RORA: variants seen among roughly 807,000 people sequenced by gnomAD.
RORA encodes the protein nuclear receptor ROR-alpha.
RORA carries 7 observed loss-of-function variants against 69.5 expected under a neutral mutation model. The ratio of observed to expected loss-of-function variants is 0.10; its 90% CI spans 0.06 to 0.19. RORA has a LOEUF of 0.19. Among genes scored for constraint, RORA ranks in the 10% least tolerant of loss-of-function variants. The probability of loss-of-function intolerance (pLI) is 1.00; values close to 1 mark genes in which losing one functional copy is unlikely to be tolerated. For missense variants in RORA, 457 were observed against 663.0 expected (o/e 0.69, Z 3.41); for synonymous variants, 261 against 240.8 (o/e 1.08, Z -0.78).
At chr15:60,958,991 A>G (rs537795591) in intron 1 of RORA, among the ~76,000 whole-genome samples, 3 of 152,332 alleles carry the variant, frequency 2.0e-5, no homozygotes, top group South Asian at 2.1e-4. Flanking sequence ...CAAGCCAGAC[A>G]TCGAAACTCT....
intron 2 of RORA, among the ~76,000 whole-genome samples, chr15:60,647,106 T>G (rs145350326): frequency 6.6e-6 from 1 of 152,196 alleles, no homozygotes. Flanking sequence ...CATTCTTGCT[T>G]TTGTTCGAGT....
At chr15:60,769,066 A>G (rs950719325) in intron 1 of RORA, among the ~76,000 whole-genome samples, 9 of 152,210 alleles carry the variant, frequency 5.9e-5, no homozygotes, top group African/African-American at 2.2e-4. Flanking sequence ...GGTGTACGCT[A>G]GCGACCACAT....
rs188865537 is a variant in RORA at position 60,523,202 on chromosome 15, T to C, written c.283-8445A>G. ...ACTGAGTCAGCAAGGAAGTGGTTCA[T>C]GTCATTGTTGGCGAATGAATGAAGT... On this transcript the variant is annotated intron_variant, in intron 3 of 10. Transcript: ENST00000335670. 1.6e-3 allele frequency among the ~76,000 whole-genome samples: 238 copies of C among 152,346 alleles called. 3 individuals are homozygous for C. Among genetic ancestry groups the C allele is most frequent in the Admixed American group, 0.01 (153 of 15,300 alleles).
chr15:60,645,793 T>C (rs896399025), intron 2 of RORA, among the ~76,000 whole-genome samples: 2 of 116,240 alleles, frequency 1.7e-5, no homozygotes, highest in East Asian at 5.8e-4. Flanking sequence ...TTCAGTGAAA[T>C]AGGGTTTTTT....
In RORA at chr15:60,490,647, C is replaced by A. The variant is rs2065026624; in HGVS notation, c.*6808G>T. 1 of 152,092 alleles carries A rather than the reference C, an allele frequency of 6.6e-6. No individual in the cohort carries two copies. Among genetic ancestry groups the A allele is most frequent in the Non-Finnish European group, 1.5e-5 (1 of 67,996 alleles). The allele number at this position is 152,092 out of a possible 1,614,324, so 9.4% of individuals were successfully genotyped here. ...GAAGAAAGCAGTAAACAAGAGATTGCATTTACATGCAGATGTCTAAAATTT... is the reference window on the plus strand; with the variant it reads ...GAAGAAAGCAGTAAACAAGAGATTGAATTTACATGCAGATGTCTAAAATTT... On this transcript the variant is annotated 3_prime_UTR_variant, in exon 11 of 11. Coordinates refer to ENST00000335670, the MANE Select transcript of RORA (RefSeq NM_134261.3). The surrounding 1 kb of genome is among the most constrained non-coding windows in gnomAD (Gnocchi z 4.1).
chr15:60,928,015 T>C (rs1435653304), intron 1 of RORA, among the ~76,000 whole-genome samples: 2 of 152,164 alleles, frequency 1.3e-5, no homozygotes, highest in African/African-American at 2.4e-5. Context: ...CTTTCTCTTG[T>C]TTGGACTACT....
At chr15:60,740,992 A>C (rs1212900122) in intron 1 of RORA, among the ~76,000 whole-genome samples, 1 of 152,222 alleles carries the variant, frequency 6.6e-6, no homozygotes, top group Non-Finnish European at 1.5e-5. Context: ...GTGGTGTTGA[A>C]ACAATTGCAA....
chr15:60,993,562 G>C (rs1894444585), intron 1 of RORA, among the ~76,000 whole-genome samples: 1 of 141,674 alleles, frequency 7.1e-6, no homozygotes, highest in South Asian at 2.3e-4. Context: ...AGAATTGCTT[G>C]AACCCAGGGG....
chr15:60,833,246 C>T (rs1011149447), intron 1 of RORA, among the ~76,000 whole-genome samples: 1 of 151,690 alleles, frequency 6.6e-6, no homozygotes, highest in Non-Finnish European at 1.5e-5. Context: ...GACGGAGTCT[C>T]ACTCTGCTGC....
At chr15:60,864,233 ATGACTGT>A (rs1242350816) in intron 1 of RORA, among the ~76,000 whole-genome samples, 2 of 152,236 alleles carry the variant, frequency 1.3e-5, no homozygotes, top group Non-Finnish European at 2.9e-5. Flanking sequence ...GCTTGTGAAA[ATGACTGT>A]TGAGACAAAA....
chr15:60,516,059 A>ATATATATT (rs1567051675), intron 3 of RORA, among the ~76,000 whole-genome samples: 1 of 22,958 alleles, frequency 4.4e-5, no homozygotes, highest in African/African-American at 1.6e-4. Flanking sequence ...ATATATATTT[A>ATATATATT]TATATATTTA....
chr15:61,058,884 T>C (rs2078132477), intron 1 of RORA, among the ~76,000 whole-genome samples: 1 of 152,204 alleles, frequency 6.6e-6, no homozygotes, highest in Non-Finnish European at 1.5e-5. Context: ...GGTCAGTAAA[T>C]ACCTGTTGTA....
chr15:61,037,987 T>C (rs1365742780), intron 1 of RORA, among the ~76,000 whole-genome samples: 2 of 152,148 alleles, frequency 1.3e-5, no homozygotes, highest in East Asian at 3.9e-4. Flanking sequence ...TGAGGGACCA[T>C]CTCTGTCTCT....
intron 1 of RORA, among the ~76,000 whole-genome samples, chr15:61,030,032 A>G (rs1173208299): frequency 6.6e-6 from 1 of 152,186 alleles, no homozygotes; most frequent in Non-Finnish European, 1.5e-5. Context: ...ATAGCCTGAA[A>G]CTGCATAATT....
intron 1 of RORA, among the ~76,000 whole-genome samples, chr15:60,815,863 T>C (rs2072802884): frequency 6.7e-6 from 1 of 148,166 alleles, no homozygotes; most frequent in Admixed American, 6.8e-5. Context: ...TACTATAAAC[T>C]ATATAAACTA....
intron 1 of RORA, among the ~76,000 whole-genome samples, chr15:60,758,473 A>C (rs1595691061): frequency 6.6e-6 from 1 of 152,154 alleles, no homozygotes. Flanking sequence ...ATTTATTTAC[A>C]CCTAGGATGT....
In RORA at chr15:60,491,608, T is replaced by C. The variant is rs936877802; in HGVS notation, c.*5847A>G. ...TAAGTTCTGAGGGTTTGGTTGAACA[T>C]GGAGATCCCCCCCGCCCATCTAGGA... On this transcript the variant is annotated 3_prime_UTR_variant, in exon 11 of 11. Coordinates refer to ENST00000335670, the MANE Select transcript of RORA (RefSeq NM_134261.3). The C allele has an allele frequency of 1.3e-5, 2 of 151,452 alleles. No individual in the cohort carries two copies. The highest frequency in any genetic ancestry group is 4.9e-5 in the African/African-American group (2 of 41,154). The allele number at this position is 151,452 out of a possible 1,614,324, so 9.4% of individuals were successfully genotyped here.
intron 1 of RORA, among the ~76,000 whole-genome samples, chr15:60,793,051 A>AG: frequency 1.3e-5 from 2 of 151,950 alleles, no homozygotes; most frequent in South Asian, 4.2e-4. Flanking sequence ...AAAAAAAAAA[A>AG]GAGAAAGAAA....
chr15:61,083,241 G>A (rs2078571753), intron 1 of RORA, among the ~76,000 whole-genome samples: 1 of 152,196 alleles, frequency 6.6e-6, no homozygotes, highest in African/African-American at 2.4e-5. Flanking sequence ...CAGCCTGAAA[G>A]CATCCAAATG....
Sources: allele counts gnomAD v4.1 joint callset (sites outside exome capture counted in the v4.1 genomes callset), GRCh38; gene constraint gnomAD v4.1.1; non-coding constraint Gnocchi (gnomAD v3.1); transcripts MANE v1.5; gene names NCBI Gene and HGNC (gene_info 2026-07-23, HGNC 2026-07-21).